Variants in SNTG2 observed in about 807,000 individuals in gnomAD.
The protein encoded by SNTG2 is syntrophin gamma 2.
In SNTG2, 74 loss-of-function variants were observed where a neutral mutation model predicts 70.9. That is an observed-to-expected ratio of 1.04 (90% CI 0.86 to 1.27). The LOEUF (loss-of-function observed/expected upper bound fraction) is 1.27, where lower values mean the gene tolerates loss of function less well. SNTG2 is among the 50% of genes most tolerant of loss of function. The pLI is 0.00. For missense variants in SNTG2, 717 were observed against 690.7 expected (o/e 1.04, Z -0.43); for synonymous variants, 278 against 273.8 (o/e 1.02, Z -0.15).
chr2:1,137,653 T>C lies in SNTG2; in HGVS notation c.357T>C (p.Asp119=). The change falls in exon 5 of 17, where the codon GAT becomes GAC. Residue 119 remains aspartate (D), a synonymous_variant. Transcript: ENST00000308624. ...AGACAGGGATGTTGTTCGTAGGAGA[T>C]GCTGTTCTCCAGGTCAGTATTGTAC... The part of the protein sequence containing the change: ...ADQTGMLFVG[D]AVLQVNGIHV... 6.2e-7 allele frequency: 1 copy of C among 1,613,228 alleles called. No individual in the cohort carries two copies. The highest frequency in any genetic ancestry group is 8.5e-7 in the Non-Finnish European group (1 of 1,179,706).
At chr2:957,714 G>T (rs1474930870) in intron 1 of SNTG2, among the ~76,000 whole-genome samples, 1 of 151,822 alleles carries the variant, frequency 6.6e-6, no homozygotes, top group Non-Finnish European at 1.5e-5. Context: ...GACTGGTACT[G>T]AGACTGAGAC....
At chr2:1,086,457 G>A (rs925697237) in intron 2 of SNTG2, among the ~76,000 whole-genome samples, 2 of 152,292 alleles carry the variant, frequency 1.3e-5, no homozygotes, top group South Asian at 2.1e-4. Context: ...CACAAATCCC[G>A]AAGGATCCCA....
chr2:1,366,151 GTCAA>G (rs1219555341), intron 16 of SNTG2, among the ~76,000 whole-genome samples: 6 of 152,200 alleles, frequency 3.9e-5, no homozygotes, highest in African/African-American at 1.2e-4. Context: ...AAAATAGGAT[GTCAA>G]TCAATTAGCA....
intron 4 of SNTG2, among the ~76,000 whole-genome samples, chr2:1,112,079 G>A (rs1379963677): frequency 1.3e-5 from 2 of 151,646 alleles, no homozygotes; most frequent in African/African-American, 4.9e-5. Context: ...AGGATCGTGT[G>A]TACTAAGTGA....
At chr2:1,333,324 T>C (rs1418339798) in intron 16 of SNTG2, among the ~76,000 whole-genome samples, 3 of 152,098 alleles carry the variant, frequency 2.0e-5, no homozygotes, top group Non-Finnish European at 2.9e-5. Context: ...TGGAAACACA[T>C]CTCATGGTTA....
At chr2:982,531 G>A (rs1328871697) in intron 1 of SNTG2, among the ~76,000 whole-genome samples, 1 of 152,192 alleles carries the variant, frequency 6.6e-6, no homozygotes, top group Non-Finnish European at 1.5e-5. Flanking sequence ...TGTGAGTAAA[G>A]TTGAGTAGTT....
intron 6 of SNTG2, among the ~76,000 whole-genome samples, chr2:1,165,114 G>A (rs938524479): frequency 5.3e-5 from 8 of 152,198 alleles, no homozygotes; most frequent in Non-Finnish European, 1.2e-4. Context: ...CTAATTTCCT[G>A]AGAACTAAAG....
intron 9 of SNTG2, among the ~76,000 whole-genome samples, chr2:1,220,409 C>T (rs568358257): frequency 3.4e-3 from 512 of 152,276 alleles, no homozygotes; most frequent in Non-Finnish European, 5.7e-3. Context: ...GCCAGCAGCC[C>T]GCCAGGGACC....
intron 16 of SNTG2, among the ~76,000 whole-genome samples, chr2:1,360,995 C>T (rs536279624): frequency 2.0e-5 from 3 of 152,314 alleles, no homozygotes; most frequent in Non-Finnish European, 4.4e-5. Context: ...ATGCAGTCCC[C>T]AGCGCTGTCT....
chr2:1,065,293 C>T (rs187364722), intron 1 of SNTG2, among the ~76,000 whole-genome samples: 17 of 152,194 alleles, frequency 1.1e-4, no homozygotes, highest in Admixed American at 2.6e-4. Context: ...ATAGTGACTG[C>T]CCTCTGTTCT....
intron 1 of SNTG2, among the ~76,000 whole-genome samples, chr2:993,358 G>A (rs1661568924): frequency 6.6e-6 from 1 of 151,518 alleles, no homozygotes; most frequent in Non-Finnish European, 1.5e-5. Context: ...CCGTTTTCTT[G>A]TTACTACCAG....
At chr2:1,077,188 C>A (rs1353478961) in intron 1 of SNTG2, among the ~76,000 whole-genome samples, 1 of 152,154 alleles carries the variant, frequency 6.6e-6, no homozygotes, top group Non-Finnish European at 1.5e-5. Context: ...AGGATGAATT[C>A]TTAGAAGTAA....
At chr2:1,313,657 A>G (rs1407887576) in intron 15 of SNTG2, among the ~76,000 whole-genome samples, 3 of 152,172 alleles carry the variant, frequency 2.0e-5, no homozygotes, top group African/African-American at 4.8e-5. Flanking sequence ...AAAAGAGGCC[A>G]CCACAGGCGA....
intron 1 of SNTG2, among the ~76,000 whole-genome samples, chr2:1,063,069 C>T (rs556598347): frequency 2.6e-4 from 39 of 152,256 alleles, no homozygotes; most frequent in African/African-American, 9.1e-4. Flanking sequence ...TTAGATGTGG[C>T]AAGTAGCAAG....
chr2:1,283,023 G>C (rs1156827560), intron 14 of SNTG2, among the ~76,000 whole-genome samples: 1 of 152,174 alleles, frequency 6.6e-6, no homozygotes, highest in African/African-American at 2.4e-5. Flanking sequence ...GCTAAGCTCA[G>C]AGGATCCCAG....
At chr2:1,078,542 G>C (rs1664075148) in intron 1 of SNTG2, among the ~76,000 whole-genome samples, 1 of 152,108 alleles carries the variant, frequency 6.6e-6, no homozygotes, top group African/African-American at 2.4e-5. Flanking sequence ...GGCGCTGCAG[G>C]ACAGCTGGAC....
At chr2:1,184,490 A>G (rs117645060) in intron 8 of SNTG2, among the ~76,000 whole-genome samples, 1 of 152,328 alleles carries the variant, frequency 6.6e-6, no homozygotes, top group East Asian at 1.9e-4. Context: ...TTCATAAAGA[A>G]AAGAGGTTTA....
chr2:1,212,239 C>A (rs1674094453), intron 9 of SNTG2, among the ~76,000 whole-genome samples: 2 of 152,152 alleles, frequency 1.3e-5, no homozygotes, highest in Non-Finnish European at 1.5e-5. Context: ...GATATCTGGT[C>A]ATTTAAAACT....
chr2:981,608 T>C (rs1661098708), intron 1 of SNTG2, among the ~76,000 whole-genome samples: 1 of 151,906 alleles, frequency 6.6e-6, no homozygotes, highest in South Asian at 2.1e-4. Context: ...CCCACACATA[T>C]GCACATATGC....
Sources: allele counts gnomAD v4.1 joint callset (sites outside exome capture counted in the v4.1 genomes callset), GRCh38; gene constraint gnomAD v4.1.1; transcripts MANE v1.5; gene names NCBI Gene and HGNC (gene_info 2026-07-23, HGNC 2026-07-21).